Variants in ATP6V1C1 observed in about 807,000 individuals in gnomAD.
The protein encoded by ATP6V1C1 is ATPase H+ transporting V1 subunit C1.
Under a neutral mutation model 53.9 loss-of-function variants are expected in ATP6V1C1, and 45 were observed. The observed-to-expected ratio is 0.83, with a 90% CI of 0.66 to 1.07. The LOEUF (loss-of-function observed/expected upper bound fraction) is 1.07, where lower values mean the gene tolerates loss of function less well. ATP6V1C1 is among the 50% of genes least tolerant of loss of function. The pLI is 0.00. For missense variants in ATP6V1C1, 315 were observed against 440.3 expected (o/e 0.72, Z 2.55); for synonymous variants, 153 against 155.2 (o/e 0.99, Z 0.11).
intron 1 of ATP6V1C1, among the ~76,000 whole-genome samples, chr8:103,030,656 G>A (rs573649017): frequency 6.6e-6 from 1 of 152,204 alleles, no homozygotes; most frequent in South Asian, 2.1e-4. Context: ...GAGCATCTTG[G>A]TCTTGCTGAG....
intron 8 of ATP6V1C1, among the ~76,000 whole-genome samples, chr8:103,060,710 A>G (rs898481990): frequency 1.8e-4 from 27 of 152,306 alleles, no homozygotes; most frequent in African/African-American, 6.3e-4. Flanking sequence ...GAGGGAAAGC[A>G]AGTGGCTTTT....
intron 11 of ATP6V1C1, 149 bp from the exon 12 acceptor site, chr8:103,066,172 C>CTA: frequency 1.1e-6 from 1 of 938,844 alleles, no homozygotes; most frequent in Non-Finnish European, 1.5e-6. Context: ...GTTTCAGTTT[C>CTA]TATATATATT....
intron 1 of ATP6V1C1, among the ~76,000 whole-genome samples, chr8:103,034,173 C>A (rs1344167112): frequency 6.6e-6 from 1 of 152,150 alleles, no homozygotes; most frequent in Non-Finnish European, 1.5e-5. Context: ...TATACACACA[C>A]ATTCACACAC....
intron 7 of ATP6V1C1, among the ~76,000 whole-genome samples, chr8:103,055,601 C>T (rs997526761): frequency 2.0e-5 from 3 of 152,134 alleles, no homozygotes; most frequent in African/African-American, 7.2e-5. Flanking sequence ...CTATACTGTG[C>T]TTTACTTCCT....
intron 11 of ATP6V1C1, among the ~76,000 whole-genome samples, chr8:103,065,107 C>T (rs1395784174): frequency 6.6e-6 from 1 of 152,078 alleles, no homozygotes; most frequent in African/African-American, 2.4e-5. Context: ...AAAGGAAGAT[C>T]CTTCAGGTGT....
intron 1 of ATP6V1C1, among the ~76,000 whole-genome samples, chr8:103,029,060 A>G (rs138060859): frequency 1.3e-5 from 2 of 152,246 alleles, no homozygotes; most frequent in East Asian, 3.9e-4. Context: ...ATGAAAACAA[A>G]CATTCATAAT....
intron 6 of ATP6V1C1, 139 bp from the exon 7 acceptor site, chr8:103,053,745 T>TA: frequency 1.6e-6 from 1 of 619,020 alleles, no homozygotes; most frequent in Non-Finnish European, 2.7e-6. Flanking sequence ...GGTGACTTCT[T>TA]ACAAAGTAAA....
intron 1 of ATP6V1C1, among the ~76,000 whole-genome samples, chr8:103,023,268 G>C (rs938394513): frequency 6.7e-6 from 1 of 149,182 alleles, no homozygotes; most frequent in African/African-American, 2.4e-5. Flanking sequence ...AGTGGATTGA[G>C]ACAGGTTGTG....
intron 2 of ATP6V1C1, 36 bp downstream of exon 2, chr8:103,041,004 A>G (rs1182477263): frequency 4.4e-6 from 7 of 1,593,914 alleles, no homozygotes; most frequent in Non-Finnish European, 6.0e-6. Flanking sequence ...ATATGAGTTC[A>G]TCATCCAGGG....
intron 12 of ATP6V1C1, among the ~76,000 whole-genome samples, chr8:103,068,277 A>G (rs926858751): frequency 3.9e-5 from 6 of 152,228 alleles, no homozygotes; most frequent in African/African-American, 1.2e-4. Flanking sequence ...TATAAATCAT[A>G]CTTGCTTTAT....
rs73291934 is a variant in ATP6V1C1, at chr8:103,066,248, A to G, written c.927-73A>G. The G allele has an allele frequency of 3.9e-3, 5,893 of 1,509,790 alleles. 156 individuals are homozygous for G. The African/African-American group carries it at 0.067, about 17-fold the overall frequency. 93.5% of individuals were successfully genotyped at this position (1,509,790 alleles called of 1,614,324 possible). A position where few individuals can be genotyped will look rare whatever the true frequency, so the allele number is the denominator to read the frequency against. The stretch of plus-strand genomic sequence containing the variant: ...TTAACCATGATTAAAGAGTATGAGA[A>G]TATTTGCTTTGAAAAGAAAATCTCT... On this transcript the variant is annotated intron_variant, in intron 11 of 12. Transcript: ENST00000518738.
Position 103,070,778 on chromosome 8 carries a change from G to A in ATP6V1C1, c.*2031G>A, listed in dbSNP as rs573170251. On this transcript the variant is annotated 3_prime_UTR_variant, in exon 13 of 13. Transcript: ENST00000518738. Reference sequence around the variant, plus strand: ...TTTCCACCAGAGAAATTATAGCAGAGTGGCTGAGCATGTGCTCTGAGGCCA... The same window carrying A: ...TTTCCACCAGAGAAATTATAGCAGAATGGCTGAGCATGTGCTCTGAGGCCA... The A allele has an allele frequency of 3.3e-5, 5 of 152,376 alleles. No individual in the cohort carries two copies. Among genetic ancestry groups the A allele is most frequent in the African/African-American group, 1.2e-4 (5 of 41,578 alleles). The allele number at this position is 152,376 out of a possible 1,614,324, so 9.4% of individuals were successfully genotyped here. A position where few individuals can be genotyped will look rare whatever the true frequency, so the allele number is the denominator to read the frequency against.
chr8:103,052,705 A>G, intron 5 of ATP6V1C1, 26 bp from the exon 6 acceptor site: 2 of 1,498,124 alleles, frequency 1.3e-6, no homozygotes, highest in East Asian at 2.4e-5. Context: ...AATTTTATCT[A>G]TTTTTCTTCT....
chr8:103,069,852 T>C lies in ATP6V1C1; in HGVS notation c.*1105T>C, dbSNP rs1817555184. The C allele has an allele frequency of 6.6e-6, 1 of 152,218 alleles. No homozygotes were observed. Among genetic ancestry groups the C allele is most frequent in the South Asian group, 2.1e-4 (1 of 4,828 alleles). The allele number at this position is 152,218 out of a possible 1,614,324, so 9.4% of individuals were successfully genotyped here. On this transcript the variant is annotated 3_prime_UTR_variant, in exon 13 of 13. Transcript: ENST00000518738. ...AGCTATGCTATTCCCTTTAGAAAAT[T>C]AGCCTCCAAAATCTTTTGTTTCAAA...
At chr8:103,045,856 G>A (rs3133430) in intron 3 of ATP6V1C1, among the ~76,000 whole-genome samples, 5,777 of 152,160 alleles carry the variant, frequency 0.038, 125 homozygotes, top group East Asian at 0.046. Flanking sequence ...CAGGAGAATG[G>A]TGTGAACTCG....
intron 3 of ATP6V1C1, among the ~76,000 whole-genome samples, chr8:103,047,021 C>T (rs1372913537): frequency 6.6e-6 from 1 of 152,142 alleles, no homozygotes; most frequent in African/African-American, 2.4e-5. Context: ...TTACAAGATG[C>T]TTGCCAAATT....
intron 3 of ATP6V1C1, among the ~76,000 whole-genome samples, chr8:103,046,963 A>G (rs767533726): frequency 4.6e-5 from 7 of 152,176 alleles, no homozygotes; most frequent in African/African-American, 1.2e-4. Flanking sequence ...AAGTACTTCT[A>G]TGGGTAAACA....
intron 3 of ATP6V1C1, among the ~76,000 whole-genome samples, chr8:103,043,715 G>A (rs1817044138): frequency 6.6e-6 from 1 of 151,884 alleles, no homozygotes; most frequent in Admixed American, 6.6e-5. Context: ...GTGTTTTTTT[G>A]CCATTTGTTT....
At chr8:103,026,642 G>GTAT (rs1816698152) in intron 1 of ATP6V1C1, among the ~76,000 whole-genome samples, 1 of 152,068 alleles carries the variant, frequency 6.6e-6, no homozygotes, top group Admixed American at 6.6e-5. Context: ...GTGAAACCCT[G>GTAT]TCTCTACTGA....
Sources: allele counts gnomAD v4.1 joint callset (sites outside exome capture counted in the v4.1 genomes callset), GRCh38; gene constraint gnomAD v4.1.1; transcripts MANE v1.5; gene names NCBI Gene and HGNC (gene_info 2026-07-23, HGNC 2026-07-21).